The following SKIC3 variants were observed in gnomAD, a reference collection of about 807,000 sequenced individuals.
SKIC3 encodes SKI3 subunit of superkiller complex, also known as superkiller complex protein 3.
chr5:95,527,944 C>A, the SKIC3 span: 1 of 1,562,404 alleles, frequency 6.4e-7, no homozygotes, highest in South Asian at 1.1e-5. Flanking sequence ...TTGTGGTAGG[C>A]AGAGAATGGT....
chr5:95,481,058 A>T, the SKIC3 span, among the ~76,000 whole-genome samples: 3 of 152,146 alleles, frequency 2.0e-5, no homozygotes, highest in African/African-American at 7.2e-5. Flanking sequence ...CAGGTATGTC[A>T]TATATAGAGT....
At chr5:95,512,558 T>C in the SKIC3 span, 2 of 1,614,096 alleles carry the variant, frequency 1.2e-6, no homozygotes, top group Non-Finnish European at 1.7e-6. Flanking sequence ...TCTGTTTCTC[T>C]GTTGCTTTTA....
chr5:95,538,830 T>G, the SKIC3 span, among the ~76,000 whole-genome samples: 1 of 152,142 alleles, frequency 6.6e-6, no homozygotes, highest in African/African-American at 2.4e-5. Flanking sequence ...CTCTAAACAG[T>G]GGAATTGTTA....
the SKIC3 span, chr5:95,537,065 T>TTATA: frequency 1.2e-6 from 2 of 1,613,590 alleles, no homozygotes; most frequent in Non-Finnish European, 1.7e-6. Flanking sequence ...CTGAATGAAA[T>TTATA]GCCTATAAAG....
the SKIC3 span, among the ~76,000 whole-genome samples, chr5:95,491,847 A>G: frequency 1.3e-5 from 2 of 152,212 alleles, no homozygotes; most frequent in African/African-American, 4.8e-5. Context: ...ACTCTTAAAA[A>G]AACAAATGAA....
At chr5:95,524,526 T>A in the SKIC3 span, 1 of 1,613,848 alleles carries the variant, frequency 6.2e-7, no homozygotes, top group Admixed American at 1.7e-5. Context: ...CATGAACCAG[T>A]ATGTTAATCC....
the SKIC3 span, among the ~76,000 whole-genome samples, chr5:95,499,070 G>C: frequency 6.6e-6 from 1 of 152,148 alleles, no homozygotes; most frequent in Non-Finnish European, 1.5e-5. Flanking sequence ...CAATTTCCCT[G>C]ACTGAAGCAG....
At chr5:95,489,079 G>A in the SKIC3 span, among the ~76,000 whole-genome samples, 2 of 152,138 alleles carry the variant, frequency 1.3e-5, no homozygotes, top group Non-Finnish European at 2.9e-5. Flanking sequence ...TACTTTAGGA[G>A]GCCAAAACAG....
the SKIC3 span, chr5:95,503,810 T>A: frequency 6.2e-7 from 1 of 1,613,678 alleles, no homozygotes; most frequent in South Asian, 1.1e-5. Flanking sequence ...AGCAATATAC[T>A]TACCTTTGCT....
At chr5:95,484,386 G>A in the SKIC3 span, among the ~76,000 whole-genome samples, 1 of 122,142 alleles carries the variant, frequency 8.2e-6, no homozygotes, top group Admixed American at 1.0e-4. Context: ...TCATTCTGTT[G>A]CCCAGGCTGG....
chr5:95,468,066 ACATT>A, the SKIC3 span: 2 of 1,557,394 alleles, frequency 1.3e-6, no homozygotes, highest in African/African-American at 2.7e-5. Context: ...TCTCACACAC[ACATT>A]ATCTTTCTCA....
At chr5:95,503,801 G>T in the SKIC3 span, 2 of 1,613,296 alleles carry the variant, frequency 1.2e-6, no homozygotes, top group Non-Finnish European at 8.5e-7. Flanking sequence ...TAGCTTCAGA[G>T]CAATATACTT....
chr5:95,514,106 C>T, the SKIC3 span, among the ~76,000 whole-genome samples: 1 of 152,230 alleles, frequency 6.6e-6, no homozygotes, highest in East Asian at 1.9e-4. Context: ...CACCAATTAA[C>T]TAGAATTAGG....
the SKIC3 span, among the ~76,000 whole-genome samples, chr5:95,550,933 A>G: frequency 1.3e-5 from 2 of 152,106 alleles, no homozygotes; most frequent in Non-Finnish European, 2.9e-5. Context: ...TCAGAAACCC[A>G]AAATACACTG....
chr5:95,510,756 T>C, the SKIC3 span, among the ~76,000 whole-genome samples: 9 of 152,288 alleles, frequency 5.9e-5, no homozygotes, highest in African/African-American at 2.2e-4. Flanking sequence ...ATTTCGGTAA[T>C]AATAAAACTC....
chr5:95,500,630 A>G, the SKIC3 span, among the ~76,000 whole-genome samples: 1 of 152,146 alleles, frequency 6.6e-6, no homozygotes, highest in Non-Finnish European at 1.5e-5. Context: ...CTATAGTTAT[A>G]AGTAGAATTT....
At chr5:95,531,574 T>C in the SKIC3 span, among the ~76,000 whole-genome samples, 4 of 152,318 alleles carry the variant, frequency 2.6e-5, no homozygotes, top group East Asian at 7.7e-4. Context: ...TTGTCTAAAC[T>C]AGACATTGTC....
the SKIC3 span, chr5:95,517,316 T>C: frequency 6.2e-7 from 1 of 1,612,680 alleles, no homozygotes; most frequent in Non-Finnish European, 8.5e-7. Flanking sequence ...CTCGATGCTG[T>C]AGAGCACTAA....
At chr5:95,513,356 A>T in the SKIC3 span, 4 of 517,232 alleles carry the variant, frequency 7.7e-6, no homozygotes, top group Non-Finnish European at 1.4e-5. Flanking sequence ...GGTATACACC[A>T]TCATACCTGG....
Sources: gnomAD v4.1 joint callset for allele counts (sites outside exome capture counted in the v4.1 genomes callset) on GRCh38, gnomAD v4.1.1 for gene constraint, MANE v1.5 for transcripts, NCBI Gene and HGNC (gene_info 2026-07-23, HGNC 2026-07-21) for gene names.